The following ELF1 variants were observed in gnomAD, a reference collection of about 807,000 sequenced individuals.
ELF1 encodes the protein ETS-related transcription factor Elf-1.
ELF1 carries 24 observed loss-of-function variants against 59.9 expected under a neutral mutation model. That is an observed-to-expected ratio of 0.40 (90% CI 0.29 to 0.56). The LOEUF is 0.56. ELF1 is among the 20% of genes least tolerant of loss of function. The pLI, the probability that ELF1 is intolerant of heterozygous loss-of-function variation, is 0.44. For synonymous variants in ELF1, 248 were observed against 266.2 expected (o/e 0.93, Z 0.67); for missense variants, 627 against 742.2 (o/e 0.84, Z 1.80).
intron 1 of ELF1, among the ~76,000 whole-genome samples, chr13:40,984,394 G>A (rs1252439435): frequency 6.6e-6 from 1 of 152,058 alleles, no homozygotes; most frequent in Admixed American, 6.6e-5. Context: ...GCAAGACCTC[G>A]TCTTTACAAA....
intron 1 of ELF1, among the ~76,000 whole-genome samples, chr13:41,031,031 T>C (rs1017290639): frequency 2.6e-5 from 4 of 151,564 alleles, no homozygotes; most frequent in African/African-American, 9.7e-5. Context: ...GGCATGGTGG[T>C]GCGTGCCTGG....
chr13:41,018,742 A>G (rs967330257), intron 1 of ELF1, among the ~76,000 whole-genome samples: 1 of 152,170 alleles, frequency 6.6e-6, no homozygotes, highest in Non-Finnish European at 1.5e-5. Flanking sequence ...ATAACAGTCA[A>G]TGAGCAACAC....
intron 2 of ELF1, among the ~76,000 whole-genome samples, chr13:40,976,831 C>T (rs1056899317): frequency 5.9e-5 from 9 of 152,182 alleles, no homozygotes; most frequent in African/African-American, 1.9e-4. Flanking sequence ...AGGCATGAGC[C>T]ACTGCACCCG....
intron 1 of ELF1, among the ~76,000 whole-genome samples, chr13:40,996,859 C>T (rs1048124099): frequency 2.0e-5 from 3 of 151,938 alleles, no homozygotes; most frequent in African/African-American, 7.3e-5. Context: ...TCCAGCAGTT[C>T]TGCATTTTAT....
upstream of ELF1, among the ~76,000 whole-genome samples, chr13:41,022,633 C>A (rs1299113050): frequency 3.3e-5 from 5 of 152,222 alleles, no homozygotes; most frequent in East Asian, 9.6e-4. Flanking sequence ...GTAATCCCAG[C>A]ACTTTGGGAG....
At chr13:41,019,102 C>T in intron 1 of ELF1, 126 bp downstream of exon 1, 1 of 776,266 alleles carries the variant, frequency 1.3e-6, no homozygotes, top group Non-Finnish European at 1.6e-6. Flanking sequence ...ATGTGACTGA[C>T]CACACACATT....
upstream of ELF1, among the ~76,000 whole-genome samples, chr13:41,023,664 T>C (rs545067380): frequency 5.9e-5 from 9 of 152,302 alleles, no homozygotes; most frequent in African/African-American, 1.9e-4. Flanking sequence ...AAATCCTCTT[T>C]CCCACTTCTG....
chr13:40,958,812 C>T, intron 3 of ELF1, 24 bp downstream of exon 3: 1 of 1,592,196 alleles, frequency 6.3e-7, no homozygotes, highest in Non-Finnish European at 8.6e-7. Context: ...GCAGCAAGGT[C>T]CTACTGGATG....
intron 1 of ELF1, among the ~76,000 whole-genome samples, chr13:41,003,737 A>T (rs1049057816): frequency 3.3e-5 from 5 of 152,190 alleles, no homozygotes; most frequent in African/African-American, 1.2e-4. Flanking sequence ...TCCAGATTGA[A>T]GCCAAAAGTA....
chr13:41,006,248 G>C (rs1566187271), intron 1 of ELF1, among the ~76,000 whole-genome samples: 1 of 149,014 alleles, frequency 6.7e-6, no homozygotes, highest in Non-Finnish European at 1.5e-5. Context: ...TGCCTTCCTA[G>C]CATATCTTTA....
intron 2 of ELF1, among the ~76,000 whole-genome samples, chr13:40,971,111 T>C (rs1034726440): frequency 1.2e-4 from 16 of 131,234 alleles, no homozygotes; most frequent in Non-Finnish European, 5.5e-5. Flanking sequence ...CAGGATCCTA[T>C]AGATAAACTA....
At chr13:41,011,277 C>G (rs1264136529) in intron 1 of ELF1, among the ~76,000 whole-genome samples, 1 of 152,166 alleles carries the variant, frequency 6.6e-6, no homozygotes, top group African/African-American at 2.4e-5. Context: ...TGAAACCTAA[C>G]TAAATTACTT....
chr13:41,040,209 G>A (rs1239557755), intron 1 of ELF1, among the ~76,000 whole-genome samples: 1 of 152,122 alleles, frequency 6.6e-6, no homozygotes, highest in African/African-American at 2.4e-5. Context: ...TATTCAGCAC[G>A]ATATTGTTCA....
chr13:40,936,633 C>T (rs1264721654), intron 8 of ELF1, among the ~76,000 whole-genome samples: 4 of 151,596 alleles, frequency 2.6e-5, no homozygotes, highest in East Asian at 1.9e-4. Flanking sequence ...TGGTGGCGGG[C>T]GCCTGTAGTC....
intron 5 of ELF1, among the ~76,000 whole-genome samples, chr13:40,946,924 C>A (rs1301414385): frequency 2.0e-5 from 3 of 152,244 alleles, no homozygotes; most frequent in South Asian, 4.2e-4. Flanking sequence ...ACGGCCCTAA[C>A]CCCCACATTG....
At chr13:41,049,848 A>G (rs570093806) in intron 1 of ELF1, among the ~76,000 whole-genome samples, 18 of 152,304 alleles carry the variant, frequency 1.2e-4, no homozygotes, top group South Asian at 4.1e-4. Flanking sequence ...CTCTCCCACT[A>G]AACTGCAAGC....
chr13:41,025,702 C>A (rs141183532), intron 1 of ELF1, among the ~76,000 whole-genome samples: 2 of 152,312 alleles, frequency 1.3e-5, no homozygotes, highest in South Asian at 4.1e-4. Flanking sequence ...CCTTGCTAGA[C>A]AGCAAACAAA....
chr13:41,013,729 T>C (rs1243139728), intron 1 of ELF1, among the ~76,000 whole-genome samples: 1 of 152,092 alleles, frequency 6.6e-6, no homozygotes, highest in Non-Finnish European at 1.5e-5. Context: ...TTAAACTCTA[T>C]GTTTTATATA....
chr13:41,012,312 CAAAAA>C (rs56791748), intron 1 of ELF1, among the ~76,000 whole-genome samples: 6 of 65,044 alleles, frequency 9.2e-5, no homozygotes, highest in African/African-American at 3.0e-4. Context: ...GACTCTGTCT[CAAAAA>C]AAAAAAAAAA....
Sources: allele counts gnomAD v4.1 joint callset (sites outside exome capture counted in the v4.1 genomes callset), GRCh38; gene constraint gnomAD v4.1.1; transcripts MANE v1.5; gene names NCBI Gene and HGNC (gene_info 2026-07-23, HGNC 2026-07-21).